Variants in RNGTT observed in about 807,000 individuals in gnomAD.
RNGTT encodes mRNA-capping enzyme.
A neutral mutation model predicts 79.3 loss-of-function variants in RNGTT; 33 were observed. The ratio of observed to expected loss-of-function variants is 0.42; its 90% confidence interval spans 0.32 to 0.56. RNGTT has a LOEUF of 0.56. RNGTT is among the 20% of genes least tolerant of loss of function. RNGTT has a pLI of 0.17. For synonymous variants in RNGTT, 222 were observed against 235.9 expected, an observed-to-expected ratio of 0.94 and a Z score of 0.54; for missense variants, 497 against 739.1, an observed-to-expected ratio of 0.67 and a Z score of 3.80.
chr6:88,793,367 T>C (rs1390272877), intron 12 of RNGTT, among the ~76,000 whole-genome samples: 1 of 152,204 alleles, frequency 6.6e-6, no homozygotes, highest in Non-Finnish European at 1.5e-5. Flanking sequence ...ACATGTTTTC[T>C]GAAATAAGTT....
At chr6:88,760,831 CT>C (rs1181656730) in intron 13 of RNGTT, among the ~76,000 whole-genome samples, 1 of 151,628 alleles carries the variant, frequency 6.6e-6, no homozygotes, top group Non-Finnish European at 1.5e-5. Flanking sequence ...CAATTTCCTT[CT>C]CAAAAAGAGT....
At chr6:88,910,140 G>T (rs764021576) in intron 4 of RNGTT, among the ~76,000 whole-genome samples, 1 of 152,054 alleles carries the variant, frequency 6.6e-6, no homozygotes, top group Admixed American at 6.6e-5. Flanking sequence ...CAACCAGAAC[G>T]TAATGTCTGA....
At chr6:88,628,648 ACCT>A (rs747465550) in intron 14 of RNGTT, among the ~76,000 whole-genome samples, 1 of 152,148 alleles carries the variant, frequency 6.6e-6, no homozygotes, top group Non-Finnish European at 1.5e-5. Flanking sequence ...TTTATTAACT[ACCT>A]GTGATGTAGC....
chr6:88,732,721 G>A (rs558762168), intron 13 of RNGTT, among the ~76,000 whole-genome samples: 42 of 152,260 alleles, frequency 2.8e-4, no homozygotes, highest in South Asian at 2.7e-3. Flanking sequence ...TGAACCTTGA[G>A]GATATTATGC....
intron 12 of RNGTT, among the ~76,000 whole-genome samples, chr6:88,783,568 T>C (rs971094821): frequency 6.6e-6 from 1 of 152,078 alleles, no homozygotes; most frequent in Non-Finnish European, 1.5e-5. Context: ...TCACAAAATA[T>C]AGAATTTAAA....
At chr6:88,631,647 AT>A (rs35746715) in intron 14 of RNGTT, among the ~76,000 whole-genome samples, 96 of 148,312 alleles carry the variant, frequency 6.5e-4, no homozygotes, top group East Asian at 2.0e-3. Flanking sequence ...TCAACTCTAC[AT>A]TTTTTTTTTA....
chr6:88,615,128 T>A (rs1200529336), intron 14 of RNGTT, among the ~76,000 whole-genome samples: 1 of 152,196 alleles, frequency 6.6e-6, no homozygotes, highest in Non-Finnish European at 1.5e-5. Flanking sequence ...TGAGAATGGT[T>A]TTCATAAATA....
At chr6:88,793,630 C>T (rs1779494131) in intron 12 of RNGTT, among the ~76,000 whole-genome samples, 2 of 152,046 alleles carry the variant, frequency 1.3e-5, no homozygotes, top group South Asian at 4.1e-4. Flanking sequence ...TTTGGGAGGC[C>T]GAGGTGGGCA....
intron 13 of RNGTT, among the ~76,000 whole-genome samples, chr6:88,701,527 AC>A (rs66869054): frequency 0.086 from 12,986 of 151,872 alleles, 1,896 homozygotes; most frequent in African/African-American, 0.3. Flanking sequence ...AAATGCAACA[AC>A]AAAAAATTAT....
intron 14 of RNGTT, among the ~76,000 whole-genome samples, chr6:88,637,133 T>C (rs1415320641): frequency 6.6e-6 from 1 of 152,034 alleles, no homozygotes; most frequent in African/African-American, 2.4e-5. Flanking sequence ...CTTGGTTAGT[T>C]TGCTTTCCTG....
In RNGTT at chr6:88,623,862, G is replaced by C. The variant is rs550402963; in HGVS notation, c.1507-9467C>G. 3.3e-5 allele frequency among the ~76,000 whole-genome samples: 5 copies of C among 152,070 alleles called. No individual in the cohort carries two copies. In the East Asian group the frequency reaches 9.6e-4, roughly 29 times the overall value. On this transcript the variant is annotated intron_variant, in intron 14 of 15. Transcript: ENST00000369485. ...CTCCTAGAACCAATAAGTTTAACAA[G>C]GCTGCAGAATCCAAAGATGTTAAAT...
chr6:88,718,157 C>T (rs1306128282), intron 13 of RNGTT, among the ~76,000 whole-genome samples: 1 of 152,008 alleles, frequency 6.6e-6, no homozygotes, highest in East Asian at 1.9e-4. Context: ...CTTTGGGAGG[C>T]AGGCGGATTA....
Position 88,903,646 on chromosome 6 carries a change from T to A in RNGTT, c.684+1069A>T, listed in dbSNP as rs73506532. On this transcript the variant is annotated intron_variant, in intron 6 of 15. Transcript: ENST00000369485. ...ATTGTTTTACAAACAAAAAAAAATT[T>A]TTAAGCCAAAAATAACTTACATGGT... Among the ~76,000 whole-genome samples the A allele has an allele frequency of 2.2e-3, 335 of 152,338 alleles. 1 individual carries two copies. Among genetic ancestry groups the A allele is most frequent in the African/African-American group, 7.8e-3 (325 of 41,594 alleles).
At chr6:88,750,916 T>C (rs377565665) in intron 13 of RNGTT, among the ~76,000 whole-genome samples, 2 of 152,176 alleles carry the variant, frequency 1.3e-5, no homozygotes, top group African/African-American at 4.8e-5. Context: ...CTTACTCTAA[T>C]AGTATAGCAT....
At chr6:88,802,281 T>G (rs1255861302) in intron 11 of RNGTT, among the ~76,000 whole-genome samples, 1 of 152,132 alleles carries the variant, frequency 6.6e-6, no homozygotes, top group Admixed American at 6.5e-5. Flanking sequence ...GGTTTTTTTG[T>G]GTCTTTTTTA....
intron 6 of RNGTT, among the ~76,000 whole-genome samples, chr6:88,898,722 C>T (rs1395218647): frequency 3.3e-5 from 5 of 150,040 alleles, no homozygotes; most frequent in African/African-American, 7.3e-5. Flanking sequence ...TATTCTTCTA[C>T]ACTAAGTTAT....
intron 8 of RNGTT, among the ~76,000 whole-genome samples, chr6:88,868,578 C>T (rs1421843523): frequency 6.6e-6 from 1 of 152,180 alleles, no homozygotes; most frequent in Non-Finnish European, 1.5e-5. Context: ...CTCCTAAGAA[C>T]TCCCACATTA....
chr6:88,941,052 A>T lies in RNGTT; in HGVS notation c.174+19T>A, dbSNP rs564151975. The T allele has an allele frequency of 6.8e-7, 1 of 1,474,392 alleles. No homozygotes were observed. The highest frequency in any genetic ancestry group is 1.2e-5 in the South Asian group (1 of 85,770). The allele number at this position is 1,474,392 out of a possible 1,614,324, so 91.3% of individuals were successfully genotyped here. A position where few individuals can be genotyped will look rare whatever the true frequency, so the allele number is the denominator to read the frequency against. ...CAAAGTATATTAAATCAGTGACAAA[A>T]ATAAATTTTGTTTCTTACCTTTAGG... On this transcript the variant is annotated intron_variant, in intron 2 of 15. Coordinates refer to ENST00000369485, the MANE Select transcript of RNGTT (RefSeq NM_003800.5).
intron 12 of RNGTT, among the ~76,000 whole-genome samples, chr6:88,784,100 T>TA: frequency 1.3e-5 from 2 of 152,154 alleles, no homozygotes; most frequent in South Asian, 4.1e-4. Flanking sequence ...GTCAAAAAGA[T>TA]AAAAACAAAT....
Sources: gnomAD v4.1 joint callset for allele counts (sites outside exome capture counted in the v4.1 genomes callset) on GRCh38, gnomAD v4.1.1 for gene constraint, MANE v1.5 for transcripts, NCBI Gene and HGNC (gene_info 2026-07-23, HGNC 2026-07-21) for gene names.